MAFF: variants seen among roughly 807,000 people sequenced by gnomAD.
The protein encoded by MAFF is MAF bZIP transcription factor F, also known as transcription factor MafF.
MAFF carries 4 observed loss-of-function variants against 2.7 expected under a neutral mutation model. The observed-to-expected ratio is 1.48, with a 90% CI of 0.73 to 3.39. MAFF has a LOEUF of 3.39. MAFF is among the 30% of genes most tolerant of loss of function. MAFF has a pLI of 0.01. For missense variants in MAFF, 190 were observed against 246.6 expected, an observed-to-expected ratio of 0.77 and a Z score of 1.54; for synonymous variants, 113 against 119.4, an observed-to-expected ratio of 0.95 and a Z score of 0.35.
rs1366655619 is a variant in MAFF at position 38,215,621 on chromosome 22, T to A, written c.*743T>A. On this transcript the variant is annotated 3_prime_UTR_variant, in exon 3 of 3. Coordinates refer to ENST00000338483, the MANE Select transcript of MAFF (RefSeq NM_012323.4). Reference sequence around the variant, plus strand: ...AGAGGGAGAGAGAAGGTGACACGGATGGAAGAGTGGGAAGGAGCTGGCCTG... The same window carrying A: ...AGAGGGAGAGAGAAGGTGACACGGAAGGAAGAGTGGGAAGGAGCTGGCCTG... 1 of 167,136 alleles carries A rather than the reference T, an allele frequency of 6.0e-6. No individual in the cohort carries two copies. Among genetic ancestry groups the A allele is most frequent in the African/African-American group, 2.4e-5 (1 of 41,376 alleles). 10.4% of individuals were successfully genotyped at this position (167,136 alleles called of 1,614,324 possible). A position where few individuals can be genotyped will look rare whatever the true frequency, so the allele number is the denominator to read the frequency against.
At position 38,214,560 on chromosome 22, in the gene MAFF, C is replaced by T; in HGVS notation, c.177C>T (p.Leu59=). Reference sequence around the variant, plus strand: ...GGCTCAAGCAGCGGCGCCGCACACTCAAAAACCGTGGCTACGCCGCCAGCT... The same window carrying T: ...GGCTCAAGCAGCGGCGCCGCACACTTAAAAACCGTGGCTACGCCGCCAGCT... ...VTRLKQRRRT[L]KNRGYAASCR... is the part of the protein sequence containing the mutation. Residue 59 remains leucine (L), a synonymous_variant, in exon 3 of 3, where the codon CTC becomes CTT. Transcript: ENST00000338483. This position sits in a 1 kb window ranked among gnomAD's most constrained non-coding sequence, Gnocchi z 6.3. 1 of 1,606,672 alleles carries T rather than the reference C, an allele frequency of 6.2e-7. No individual in the cohort carries two copies. Among genetic ancestry groups the T allele is most frequent in the South Asian group, 1.1e-5 (1 of 90,352 alleles).
chr22:38,215,358 C>T lies in MAFF; in HGVS notation c.*480C>T, dbSNP rs1448419121. ...CTGGTTGGGCCTGGGGGTGCCTGGCCTTCCGAAACTAAAAGAGTGGGTGGG... is the reference window on the plus strand; with the variant it reads ...CTGGTTGGGCCTGGGGGTGCCTGGCTTTCCGAAACTAAAAGAGTGGGTGGG... On this transcript the variant is annotated 3_prime_UTR_variant, in exon 3 of 3. Coordinates refer to ENST00000338483, the MANE Select transcript of MAFF (RefSeq NM_012323.4). 1 of 169,260 alleles carries T rather than the reference C, an allele frequency of 5.9e-6. No homozygotes were observed. The highest frequency in any genetic ancestry group is 1.4e-5 in the Non-Finnish European group (1 of 69,564). 10.5% of individuals were successfully genotyped at this position (169,260 alleles called of 1,614,324 possible).
At chr22:38,207,322 T>C (rs924854842) in intron 1 of MAFF, among the ~76,000 whole-genome samples, 2 of 151,590 alleles carry the variant, frequency 1.3e-5, no homozygotes, top group Admixed American at 6.6e-5. Context: ...AGGGTTTCAC[T>C]GTGTTAGCCA....
In MAFF at chr22:38,214,847, A is replaced by G. The variant is rs897514249; in HGVS notation, c.464A>G (p.Asp155Gly). The change falls in exon 3 of 3, where the codon GAC (aspartate) becomes GGC (glycine). Residue 155 changes from aspartate (D) to glycine (G), a missense_variant. Physicochemically the swap from Asp to Gly is moderately conservative, Grantham distance 94 (BLOSUM62 -1). Transcript: ENST00000338483. The surrounding 1 kb of genome is among the most constrained non-coding windows in gnomAD (Gnocchi z 6.3). ...GSGSGPAHGP[D>G]PAHGPASCS is the part of the protein sequence containing the mutation. The stretch of plus-strand genomic sequence containing the variant: ...GGGTCTGGCCCCGCCCACGGCCCGG[A>G]CCCCGCCCACGGCCCGGCCTCCTGC... 5 of 1,500,120 alleles carry G rather than the reference A, an allele frequency of 3.3e-6. No homozygotes were observed. The highest frequency in any genetic ancestry group is 3.5e-6 in the Non-Finnish European group (4 of 1,127,012). 92.9% of individuals were successfully genotyped at this position (1,500,120 alleles called of 1,614,324 possible). A position where few individuals can be genotyped will look rare whatever the true frequency, so the allele number is the denominator to read the frequency against.
At chr22:38,205,157 C>T (rs907996094) in intron 1 of MAFF, 1 of 152,290 alleles carries the variant, frequency 6.6e-6, no homozygotes, top group Non-Finnish European at 1.5e-5. Context: ...GGGCCAGAAT[C>T]TGAAACTCTA....
At chr22:38,206,391 G>T (rs1439029132) in intron 1 of MAFF, among the ~76,000 whole-genome samples, 1 of 148,792 alleles carries the variant, frequency 6.7e-6, no homozygotes, top group African/African-American at 2.5e-5. Flanking sequence ...GCCCAGGCTG[G>T]AGTCCAGTGG....
intron 1 of MAFF, chr22:38,203,285 C>A (rs2146007986): frequency 6.6e-6 from 1 of 152,594 alleles, no homozygotes; most frequent in African/African-American, 2.4e-5. Flanking sequence ...GGAGGCTGTA[C>A]CTGCTAGGTC....
chr22:38,206,836 T>C (rs767046107), intron 1 of MAFF, among the ~76,000 whole-genome samples: 20 of 152,144 alleles, frequency 1.3e-4, no homozygotes, highest in Non-Finnish European at 2.6e-4. Context: ...CCTTCTCCCA[T>C]TGGGTCTTTC....
chr22:38,207,788 G>A (rs2091064713), intron 1 of MAFF, among the ~76,000 whole-genome samples: 1 of 152,080 alleles, frequency 6.6e-6, no homozygotes, highest in Non-Finnish European at 1.5e-5. Flanking sequence ...TGGAGATGGA[G>A]TCTAGCCATC....
rs1052816633 is a variant in MAFF, at chr22:38,216,042, C to T, written c.*1164C>T. 1 of 167,104 alleles carries T rather than the reference C, an allele frequency of 6.0e-6. No individual in the cohort carries two copies. Among genetic ancestry groups the T allele is most frequent in the African/African-American group, 2.4e-5 (1 of 41,464 alleles). The allele number at this position is 167,104 out of a possible 1,614,324, so 10.4% of individuals were successfully genotyped here. ...ATATTTTATATCTGCAAATAAATCACATTTTATCTTATATTTAGGGAAAGC... is the reference window on the plus strand; with the variant it reads ...ATATTTTATATCTGCAAATAAATCATATTTTATCTTATATTTAGGGAAAGC... On this transcript the variant is annotated 3_prime_UTR_variant, in exon 3 of 3. Transcript: ENST00000338483.
intron 1 of MAFF, among the ~76,000 whole-genome samples, chr22:38,211,621 G>A (rs560558399): frequency 1.3e-5 from 2 of 152,210 alleles, no homozygotes; most frequent in Non-Finnish European, 2.9e-5. Context: ...GGTGTGACAT[G>A]AGCTGACTTA....
At chr22:38,211,436 A>G (rs2091100548) in intron 1 of MAFF, among the ~76,000 whole-genome samples, 1 of 152,052 alleles carries the variant, frequency 6.6e-6, no homozygotes, top group Admixed American at 6.6e-5. Flanking sequence ...CATGTTGGCC[A>G]GGCTGGTCTC....
chr22:38,212,043 A>G (rs1005456253), intron 1 of MAFF, among the ~76,000 whole-genome samples: 1 of 152,136 alleles, frequency 6.6e-6, no homozygotes, highest in Non-Finnish European at 1.5e-5. Context: ...CCAGGCTCCC[A>G]GGCTGGAGTG....
chr22:38,212,649 G>T (rs2091109828), intron 1 of MAFF, among the ~76,000 whole-genome samples: 1 of 152,174 alleles, frequency 6.6e-6, no homozygotes, highest in African/African-American at 2.4e-5. Context: ...TCTAGGGATG[G>T]CTGCCCCATC....
rs901940740 is a variant in MAFF, at chr22:38,212,358, G to A, written c.-31-1465G>A. Among the ~76,000 whole-genome samples the A allele has an allele frequency of 2.0e-5, 3 of 152,164 alleles. No individual in the cohort carries two copies. In the South Asian group the frequency reaches 6.2e-4, roughly 31 times the overall value. ...CTGCCCCCTCCCCTTGGAGACAGAT[G>A]AGAAAACTCAGGTTCTCATGGCGGA... On this transcript the variant is annotated intron_variant, in intron 1 of 2. Transcript: ENST00000338483.
intron 1 of MAFF, among the ~76,000 whole-genome samples, chr22:38,212,381 G>A (rs185343542): frequency 7.9e-5 from 12 of 152,284 alleles, no homozygotes; most frequent in Non-Finnish European, 1.6e-4. Flanking sequence ...TTCTCATGGC[G>A]GAGAACCTGA....
intron 1 of MAFF, 194 bp from the exon 2 acceptor site, chr22:38,213,629 G>A (rs760008471): frequency 8.9e-6 from 6 of 672,994 alleles, no homozygotes; most frequent in Non-Finnish European, 1.6e-5. Flanking sequence ...AAAGAGCACA[G>A]CCTGTGCACA....
chr22:38,214,827 TGGCCCCGCCCACGGCCCG>T lies in MAFF; in HGVS notation c.446_463del (p.Gly149_Pro154del). ...TCAAGTCCACCCCGGGCTCGGGGTCTGGCCCCGCCCACGGCCCGGACCCCGCCCACGGCCCGGCCTCCT... is the reference window on the plus strand; with the variant it reads ...TCAAGTCCACCCCGGGCTCGGGGTCTGACCCCGCCCACGGCCCGGCCTCCT... On this transcript the variant is annotated inframe_deletion, in exon 3 of 3. Transcript: ENST00000338483. The surrounding 1 kb of genome is among the most constrained non-coding windows in gnomAD (Gnocchi z 6.3). 1 of 1,495,788 alleles carries T rather than the reference TGGCCCCGCCCACGGCCCG, an allele frequency of 6.7e-7. No homozygotes were observed. The highest frequency in any genetic ancestry group is 8.9e-7 in the Non-Finnish European group (1 of 1,127,146). The allele number at this position is 1,495,788 out of a possible 1,614,324, so 92.7% of individuals were successfully genotyped here.
chr22:38,211,955 A>G (rs1200849217), intron 1 of MAFF, among the ~76,000 whole-genome samples: 1 of 152,176 alleles, frequency 6.6e-6, no homozygotes, highest in African/African-American at 2.4e-5. Flanking sequence ...AGGATGCTAC[A>G]GCTCAGATCA....
Sources: allele counts gnomAD v4.1 joint callset (sites outside exome capture counted in the v4.1 genomes callset), GRCh38; gene constraint gnomAD v4.1.1; non-coding constraint Gnocchi (gnomAD v3.1); transcripts MANE v1.5; gene names NCBI Gene and HGNC (gene_info 2026-07-23, HGNC 2026-07-21).